The following ZFAND3 variants were observed in gnomAD, a reference collection of about 807,000 sequenced individuals.
The protein encoded by ZFAND3 is AN1-type zinc finger protein 3.
In ZFAND3, 10 loss-of-function variants were observed where a neutral mutation model predicts 29.6. That is an observed-to-expected ratio of 0.34 (90% CI 0.21 to 0.57). ZFAND3 has a LOEUF of 0.57. Among genes scored for constraint, ZFAND3 ranks in the 20% least tolerant of loss-of-function variants. The pLI is 0.86. For missense variants in ZFAND3, 230 were observed against 304.5 expected (o/e 0.76, Z 1.82); for synonymous variants, 128 against 112.6 (o/e 1.14, Z -0.87).
intron 1 of ZFAND3, among the ~76,000 whole-genome samples, chr6:37,833,509 TG>T (rs562969161): frequency 7.6e-4 from 116 of 152,210 alleles, no homozygotes; most frequent in African/African-American, 2.6e-3. Context: ...ATTTCAAGTG[TG>T]TACTTTGGTA....
At chr6:37,887,889 T>G (rs1765024089) in intron 1 of ZFAND3, among the ~76,000 whole-genome samples, 1 of 152,210 alleles carries the variant, frequency 6.6e-6, no homozygotes, top group Non-Finnish European at 1.5e-5. Context: ...GGCAAACACA[T>G]TTACAAAGTC....
At chr6:37,956,506 A>T (rs1561946288) in intron 2 of ZFAND3, among the ~76,000 whole-genome samples, 1 of 152,046 alleles carries the variant, frequency 6.6e-6, no homozygotes, top group East Asian at 1.9e-4. Flanking sequence ...AGTGACATAG[A>T]TTATAGAAAG....
intron 2 of ZFAND3, among the ~76,000 whole-genome samples, chr6:37,961,481 T>C (rs1581794106): frequency 6.6e-6 from 1 of 152,300 alleles, no homozygotes; most frequent in East Asian, 1.9e-4. Context: ...ACCTGCTGAT[T>C]GTAGAGCCCT....
At position 37,889,229 on chromosome 6, in the gene ZFAND3, G is replaced by A. The variant is rs573803289; in HGVS notation, c.72-40730G>A. Among the ~76,000 whole-genome samples, 8 of 152,268 alleles carry A rather than the reference G, an allele frequency of 5.3e-5. No individual in the cohort carries two copies. The East Asian group carries it at 1.2e-3, about 22-fold the overall frequency. On this transcript the variant is annotated intron_variant, in intron 1 of 5. Transcript: ENST00000287218. ...GAGGAAAAAAAGGAAGCTTTCCTTC[G>A]TCTCTATTTTCTATATTAATGGGGA...
At chr6:37,892,588 CAGAA>C (rs1209266713) in intron 1 of ZFAND3, among the ~76,000 whole-genome samples, 1 of 151,918 alleles carries the variant, frequency 6.6e-6, no homozygotes, top group Admixed American at 6.6e-5. Flanking sequence ...CTGAAGCAAA[CAGAA>C]AGAAGAACAA....
At chr6:38,139,482 C>T (rs6918181) in intron 5 of ZFAND3, among the ~76,000 whole-genome samples, 4,369 of 152,230 alleles carry the variant, frequency 0.029, 164 homozygotes, top group African/African-American at 0.085. Context: ...CTAACCTAGT[C>T]TGAGGGTCCA....
At chr6:37,869,815 A>T in intron 1 of ZFAND3, among the ~76,000 whole-genome samples, 1 of 149,100 alleles carries the variant, frequency 6.7e-6, no homozygotes. Context: ...CCCAGTCTTG[A>T]TTTTGTTAAT....
chr6:37,909,261 T>C (rs1262304103), intron 1 of ZFAND3, among the ~76,000 whole-genome samples: 2 of 142,624 alleles, frequency 1.4e-5, no homozygotes, highest in Non-Finnish European at 3.0e-5. Flanking sequence ...AAAACGAGAT[T>C]TTTTTTCTTT....
chr6:37,873,935 T>A (rs1764746015), intron 1 of ZFAND3, among the ~76,000 whole-genome samples: 1 of 152,200 alleles, frequency 6.6e-6, no homozygotes, highest in South Asian at 2.1e-4. Flanking sequence ...CAGAATAACA[T>A]ATTTTTTTTA....
intron 1 of ZFAND3, among the ~76,000 whole-genome samples, chr6:37,926,174 G>T (rs1268772835): frequency 6.6e-6 from 1 of 152,200 alleles, no homozygotes; most frequent in East Asian, 1.9e-4. Context: ...GGATCTAGCT[G>T]AATGCTACTG....
intron 1 of ZFAND3, among the ~76,000 whole-genome samples, chr6:37,860,387 A>C (rs1234227661): frequency 6.6e-6 from 1 of 152,134 alleles, no homozygotes; most frequent in Admixed American, 6.5e-5. Flanking sequence ...TTTGTTAGCC[A>C]TAAGTATTTT....
intron 2 of ZFAND3, among the ~76,000 whole-genome samples, chr6:37,933,732 C>G (rs1281381717): frequency 6.6e-6 from 1 of 152,052 alleles, no homozygotes; most frequent in Non-Finnish European, 1.5e-5. Context: ...AACCAAAATT[C>G]CTCTCTTTGA....
intron 1 of ZFAND3, among the ~76,000 whole-genome samples, chr6:37,846,683 A>G (rs911884053): frequency 2.0e-5 from 3 of 151,514 alleles, no homozygotes; most frequent in Non-Finnish European, 4.4e-5. Context: ...ATCTGAGGCA[A>G]TCCTATAATT....
chr6:37,925,446 T>TA (rs1178486585), intron 1 of ZFAND3, among the ~76,000 whole-genome samples: 1 of 152,200 alleles, frequency 6.6e-6, no homozygotes, highest in Non-Finnish European at 1.5e-5. Flanking sequence ...CTCATGCCTG[T>TA]AATCCCAGCA....
chr6:38,073,527 C>T (rs192649002), intron 3 of ZFAND3, among the ~76,000 whole-genome samples: 1 of 151,992 alleles, frequency 6.6e-6, no homozygotes, highest in Non-Finnish European at 1.5e-5. Flanking sequence ...ATTTTGTATT[C>T]GTATTAAATA....
At chr6:38,004,534 T>TACACACACACACACAC (rs56068930) in intron 2 of ZFAND3, among the ~76,000 whole-genome samples, 127 of 147,444 alleles carry the variant, frequency 8.6e-4, no homozygotes, top group African/African-American at 3.1e-3. Context: ...TAAAGCTGTC[T>TACACACACACACACAC]ACACACACAC....
At chr6:37,982,975 TA>T (rs1168171093) in intron 2 of ZFAND3, among the ~76,000 whole-genome samples, 1 of 152,140 alleles carries the variant, frequency 6.6e-6, no homozygotes, top group East Asian at 1.9e-4. Flanking sequence ...ACAAAAAGTT[TA>T]AAAAGTAAAA....
At chr6:37,896,471 G>A (rs1342717863) in intron 1 of ZFAND3, among the ~76,000 whole-genome samples, 1 of 151,390 alleles carries the variant, frequency 6.6e-6, no homozygotes, top group East Asian at 1.9e-4. Flanking sequence ...CTTTGTATCT[G>A]TGTTCATGAA....
intron 2 of ZFAND3, among the ~76,000 whole-genome samples, chr6:37,984,255 A>G (rs976689504): frequency 6.6e-6 from 1 of 151,720 alleles, no homozygotes; most frequent in Non-Finnish European, 1.5e-5. Context: ...TATAAAGGTC[A>G]TGAAATGCCA....
Sources: gnomAD v4.1 joint callset for allele counts (sites outside exome capture counted in the v4.1 genomes callset) on GRCh38, gnomAD v4.1.1 for gene constraint, MANE v1.5 for transcripts, NCBI Gene and HGNC (gene_info 2026-07-23, HGNC 2026-07-21) for gene names.